The following PRPS1 variants were observed in gnomAD, a reference collection of about 807,000 sequenced individuals.
PRPS1 encodes phosphoribosyl pyrophosphate synthetase 1, also known as ribose-phosphate pyrophosphokinase 1.
Under a neutral mutation model 16.9 loss-of-function variants are expected in PRPS1, and 1 was observed. That is an observed-to-expected ratio of 0.06 (90% CI 0.02 to 0.28). The LOEUF is 0.28. Ranked by LOEUF, PRPS1 falls within the 10% of genes least tolerant of loss-of-function variation. The pLI, the probability that PRPS1 is intolerant of heterozygous loss-of-function variation, is 1.00. For missense variants in PRPS1, 47 were observed against 254.0 expected, an observed-to-expected ratio of 0.19 and a Z score of 5.54; for synonymous variants, 70 against 90.2, an observed-to-expected ratio of 0.78 and a Z score of 1.27.
chrX:107,638,455 G>A (rs976489670), intron 1 of PRPS1, among the ~76,000 whole-genome samples: 1 of 111,841 alleles, frequency 8.9e-6, no homozygotes, highest in African/African-American at 3.2e-5. Context: ...TGTTGACTAG[G>A]CTGGTCTTGA....
chrX:107,647,683 TCAA>T lies in PRPS1; in HGVS notation c.787_789del (p.Asn263del). 1 of 1,211,035 alleles carries T rather than the reference TCAA, an allele frequency of 8.3e-7. No individual in the cohort carries two copies. The highest frequency in any genetic ancestry group is 1.1e-6 in the Non-Finnish European group (1 of 894,914). ...TTCTCCGGTCCTGCTATTTCTCGCA[TCAA>T]CAACGCATGCTTTGAGGCAGTAGTA... On this transcript the variant is annotated inframe_deletion, in exon 6 of 7. Coordinates refer to ENST00000372435, the MANE Select transcript of PRPS1 (RefSeq NM_002764.4).
At chrX:107,649,244 C>T (rs982251838) in intron 6 of PRPS1, among the ~76,000 whole-genome samples, 10 of 110,830 alleles carry the variant, frequency 9.0e-5, no homozygotes, top group Non-Finnish European at 1.5e-4. Context: ...ACCACAACCA[C>T]GCCTGGCTAA....
chrX:107,630,538 C>G (rs1469716500), intron 1 of PRPS1, among the ~76,000 whole-genome samples: 2 of 111,668 alleles, frequency 1.8e-5, no homozygotes, highest in Non-Finnish European at 3.8e-5. Context: ...TTCTTGTTTC[C>G]TAGATATTCT....
intron 1 of PRPS1, among the ~76,000 whole-genome samples, chrX:107,631,316 C>T (rs1028943949): frequency 1.5e-4 from 17 of 111,864 alleles, no homozygotes; most frequent in Non-Finnish European, 3.0e-4. Flanking sequence ...TCCTCAAACT[C>T]GCGGGCTCAA....
At chrX:107,632,068 C>T (rs1011443008) in intron 1 of PRPS1, among the ~76,000 whole-genome samples, 1 of 112,222 alleles carries the variant, frequency 8.9e-6, no homozygotes, top group Non-Finnish European at 1.9e-5. Context: ...GTTTAATCCC[C>T]TCAAAACTGC....
intron 4 of PRPS1, among the ~76,000 whole-genome samples, chrX:107,643,697 G>A: frequency 9.0e-6 from 1 of 111,487 alleles, no homozygotes. Flanking sequence ...CACTGAATTT[G>A]TTGGCCTTTG....
At chrX:107,644,952 C>G (rs988408883) in intron 4 of PRPS1, among the ~76,000 whole-genome samples, 2 of 110,966 alleles carry the variant, frequency 1.8e-5, no homozygotes. Flanking sequence ...GTAGCTGGGA[C>G]TACAGGCGCC....
chrX:107,635,714 C>T (rs181894823), intron 1 of PRPS1, among the ~76,000 whole-genome samples: 11 of 110,595 alleles, frequency 9.9e-5, no homozygotes, highest in Non-Finnish European at 1.7e-4. Context: ...TAACATAAAA[C>T]CTAAAAGTGA....
intron 5 of PRPS1, 92 bp from the exon 6 acceptor site, chrX:107,647,514 G>A: frequency 1.1e-6 from 1 of 918,838 alleles, no homozygotes; most frequent in Non-Finnish European, 1.5e-6. Flanking sequence ...ATATTTTGTT[G>A]TGGAAGCCTA....
At chrX:107,635,812 G>A (rs1242829117) in intron 1 of PRPS1, among the ~76,000 whole-genome samples, 2 of 110,539 alleles carry the variant, frequency 1.8e-5, no homozygotes, top group African/African-American at 6.6e-5. Context: ...TGTAATCCCA[G>A]CACTTTGGGA....
chrX:107,632,281 A>G (rs1925323378), intron 1 of PRPS1, among the ~76,000 whole-genome samples: 1 of 112,307 alleles, frequency 8.9e-6, no homozygotes, highest in South Asian at 3.6e-4. Flanking sequence ...TTATTTGGTT[A>G]TTCTGTACTA....
chrX:107,642,998 A>G (rs1165454185), intron 4 of PRPS1, among the ~76,000 whole-genome samples: 2 of 112,485 alleles, frequency 1.8e-5, no homozygotes, highest in Non-Finnish European at 3.8e-5. Flanking sequence ...AGGGATTGCC[A>G]GTTAACAGTG....
Position 107,648,585 on chromosome X carries a change from ATATTATGTGTAGAGACGGGGTC to A in PRPS1, c.864+822_864+843del, listed in dbSNP as rs1209058961. ...CCACCATGCCCAGCTAATTTTTTTGATATTATGTGTAGAGACGGGGTCTCCCTATGTTGCCCAGGCTGGTCTC... is the reference window on the plus strand; with the variant it reads ...CCACCATGCCCAGCTAATTTTTTTGATCCCTATGTTGCCCAGGCTGGTCTC... On this transcript the variant is annotated intron_variant, in intron 6 of 6. Coordinates refer to ENST00000372435, the MANE Select transcript of PRPS1 (RefSeq NM_002764.4). Among the ~76,000 whole-genome samples, 3 of 108,349 alleles carry A rather than the reference ATATTATGTGTAGAGACGGGGTC, an allele frequency of 2.8e-5. No individual in the cohort carries two copies. In the East Asian group the frequency reaches 8.8e-4, roughly 32 times the overall value. The allele number at this position is 108,349 out of a possible 115,157, so 94.1% of individuals were successfully genotyped here.
At position 107,647,251 on chromosome X, in the gene PRPS1, C is replaced by T. The variant is rs771209571; in HGVS notation, c.705-355C>T. ...CCATGCGCACGCATGCGTGCACACA[C>T]ACTCACACTCACACACAAAGAGGTC... is the stretch of plus-strand genomic sequence containing the variant. On this transcript the variant is annotated intron_variant, in intron 5 of 6. Coordinates refer to ENST00000372435, the MANE Select transcript of PRPS1 (RefSeq NM_002764.4). Among the ~76,000 whole-genome samples, 4 of 112,545 alleles carry T rather than the reference C, an allele frequency of 3.6e-5. No individual in the cohort carries two copies. In the East Asian group the frequency reaches 1.1e-3, roughly 32 times the overall value.
chrX:107,649,871 G>A, intron 6 of PRPS1, 69 bp from the exon 7 acceptor site: 1 of 1,211,018 alleles, frequency 8.3e-7, no homozygotes, highest in Non-Finnish European at 1.1e-6. Context: ...CTGCTCATCA[G>A]TGTCTGCAAA....
Position 107,650,096 on chromosome X carries a change from T to G in PRPS1, c.*64T>G, listed in dbSNP as rs1269649642. ...CCCACCCTTGTTTCCCCTTGGTATT[T>G]GATGACAAATTCAGCAGAAGACCCG... On this transcript the variant is annotated 3_prime_UTR_variant, in exon 7 of 7. Transcript: ENST00000372435. 17 of 1,206,735 alleles carry G rather than the reference T, an allele frequency of 1.4e-5. No homozygotes were observed. The highest frequency in any genetic ancestry group is 1.8e-5 in the Non-Finnish European group (16 of 893,725).
At chrX:107,641,023 G>T (rs767084172) in intron 3 of PRPS1, 23 bp downstream of exon 3, 36 of 1,209,992 alleles carry the variant, frequency 3.0e-5, no homozygotes, top group Admixed American at 4.4e-5. Flanking sequence ...GCTAAATATT[G>T]GTGTTTGAAA....
At chrX:107,635,429 G>A (rs1925411865) in intron 1 of PRPS1, among the ~76,000 whole-genome samples, 1 of 107,190 alleles carries the variant, frequency 9.3e-6, no homozygotes, top group East Asian at 2.9e-4. Flanking sequence ...AATGTGAGCA[G>A]CATTAAAATT....
intron 6 of PRPS1, 103 bp downstream of exon 6, chrX:107,647,868 C>A: frequency 1.1e-6 from 1 of 929,527 alleles, no homozygotes; most frequent in Non-Finnish European, 1.5e-6. Flanking sequence ...TTTCTTTGGT[C>A]TGAAGGATTT....
Sources: gnomAD v4.1 joint callset for allele counts (sites outside exome capture counted in the v4.1 genomes callset) on GRCh38, gnomAD v4.1.1 for gene constraint, MANE v1.5 for transcripts, NCBI Gene and HGNC (gene_info 2026-07-23, HGNC 2026-07-21) for gene names.